The following ATP6V0A2 variants were observed in gnomAD, a reference collection of about 807,000 sequenced individuals.
The protein encoded by ATP6V0A2 is V-type proton ATPase 116 kDa subunit a 2.
In ATP6V0A2, 58 loss-of-function variants were observed where a neutral mutation model predicts 104.4. That is an observed-to-expected ratio of 0.56 (90% CI 0.45 to 0.69). The LOEUF (loss-of-function observed/expected upper bound fraction) is 0.69, where lower values mean the gene tolerates loss of function less well. ATP6V0A2 is among the 30% of genes least tolerant of loss of function. The pLI is 0.00. For missense variants in ATP6V0A2, 938 were observed against 1,062.9 expected (o/e 0.88, Z 1.63); for synonymous variants, 376 against 397.9 (o/e 0.95, Z 0.65).
rs139730230 is a variant in ATP6V0A2, at chr12:123,737,419, A to G, written c.1038+148A>G. On this transcript the variant is annotated intron_variant, in intron 9 of 19. Coordinates refer to ENST00000330342, the MANE Select transcript of ATP6V0A2 (RefSeq NM_012463.4). ...TTTTGTTTTTTTAAAATATTAATTAACAAAATTAAAATAGAGATGGGGTTT... is the reference window on the plus strand; with the variant it reads ...TTTTGTTTTTTTAAAATATTAATTAGCAAAATTAAAATAGAGATGGGGTTT... The G allele has an allele frequency of 5.7e-5, 48 of 837,458 alleles. No homozygotes were observed. In the Admixed American group the frequency reaches 9.7e-4, roughly 17 times the overall value. 51.9% of individuals were successfully genotyped at this position (837,458 alleles called of 1,614,324 possible). A position where few individuals can be genotyped will look rare whatever the true frequency, so the allele number is the denominator to read the frequency against.
intron 1 of ATP6V0A2, 27 bp downstream of exon 1, chr12:123,712,709 C>T: frequency 1.9e-6 from 3 of 1,573,808 alleles, no homozygotes; most frequent in Non-Finnish European, 2.6e-6. Context: ...AGACGCGGGC[C>T]GCACCTGCTC....
chr12:123,747,509 C>T, intron 13 of ATP6V0A2, 98 bp from the exon 14 acceptor site: 1 of 833,706 alleles, frequency 1.2e-6, no homozygotes, highest in East Asian at 2.4e-5. Context: ...CCTTCTTAAA[C>T]TTAGAGCCAC....
At chr12:123,743,746 T>G (rs1276099429) in intron 9 of ATP6V0A2, 39 bp from the exon 10 acceptor site, 10 of 1,611,360 alleles carry the variant, frequency 6.2e-6, no homozygotes, top group Non-Finnish European at 8.5e-6. Flanking sequence ...ATTTTCTTCT[T>G]GGATAGTAAT....
intron 3 of ATP6V0A2, 118 bp downstream of exon 3, chr12:123,722,566 T>G: frequency 1.4e-6 from 1 of 727,378 alleles, no homozygotes; most frequent in South Asian, 1.5e-5. Flanking sequence ...AAGATGGTGA[T>G]CTCTCTAGGC....
intron 4 of ATP6V0A2, among the ~76,000 whole-genome samples, chr12:123,725,274 G>A (rs1459162053): frequency 6.6e-6 from 1 of 151,912 alleles, no homozygotes; most frequent in African/African-American, 2.4e-5. Flanking sequence ...TTTTTCAGTT[G>A]GATTATATGA....
chr12:123,755,130 G>A (rs182977029), intron 18 of ATP6V0A2, among the ~76,000 whole-genome samples: 8 of 152,260 alleles, frequency 5.3e-5, no homozygotes, highest in South Asian at 2.1e-4. Context: ...GCCTACGTGC[G>A]GCAGGTGTCG....
In ATP6V0A2 at chr12:123,726,785, T is replaced by C. The variant is rs559572383; in HGVS notation, c.521+500T>C. On this transcript the variant is annotated intron_variant, in intron 5 of 19. Coordinates refer to ENST00000330342, the MANE Select transcript of ATP6V0A2 (RefSeq NM_012463.4). ...CCTGATCTGAAGGAATTCAGTGATA[T>C]TTAGTTTGAGGATGTTTTCCTCCAG... 7.9e-5 allele frequency among the ~76,000 whole-genome samples: 12 copies of C among 152,356 alleles called. No individual in the cohort carries two copies. In the South Asian group the frequency reaches 1.7e-3, roughly 21 times the overall value.
At chr12:123,740,627 A>T (rs1420744392) in intron 9 of ATP6V0A2, among the ~76,000 whole-genome samples, 1 of 151,996 alleles carries the variant, frequency 6.6e-6, no homozygotes, top group African/African-American at 2.4e-5. Flanking sequence ...TATTTGCTCT[A>T]CTGTCTTGCT....
At position 123,718,382 on chromosome 12, in the gene ATP6V0A2, C is replaced by T. The variant is rs186485460; in HGVS notation, c.118-241C>T. ...TGGGATTACAGGCGTGAGCTACCGC[C>T]CCGGCCTAATTTTTGTATTTTTAGC... On this transcript the variant is annotated intron_variant, in intron 1 of 19. Coordinates refer to ENST00000330342, the MANE Select transcript of ATP6V0A2 (RefSeq NM_012463.4). 6.5e-3 allele frequency among the ~76,000 whole-genome samples: 983 copies of T among 152,008 alleles called. 8 individuals carry two copies. The highest frequency in any genetic ancestry group is 1.0e-2 in the South Asian group (48 of 4,814).
intron 1 of ATP6V0A2, among the ~76,000 whole-genome samples, chr12:123,718,218 G>A (rs1483998215): frequency 1.3e-5 from 2 of 151,920 alleles, no homozygotes; most frequent in South Asian, 2.1e-4. Context: ...AGCCTCCCGA[G>A]TAGCTGGGAT....
chr12:123,734,036 T>G (rs1385022422), intron 7 of ATP6V0A2, 28 bp downstream of exon 7: 8 of 1,553,634 alleles, frequency 5.1e-6, no homozygotes, highest in Non-Finnish European at 7.1e-6. Context: ...TTCATTTCAT[T>G]TATGTCTTTA....
At chr12:123,734,942 A>G (rs1397388922) in intron 7 of ATP6V0A2, among the ~76,000 whole-genome samples, 10 of 152,224 alleles carry the variant, frequency 6.6e-5, no homozygotes, top group African/African-American at 2.2e-4. Flanking sequence ...TAGAATAGGT[A>G]TTTAATTTTT....
chr12:123,744,563 TA>T lies in ATP6V0A2; in HGVS notation c.1327-32del. The T allele has an allele frequency of 6.2e-7, 1 of 1,611,968 alleles. No homozygotes were observed. Among genetic ancestry groups the T allele is most frequent in the Non-Finnish European group, 8.5e-7 (1 of 1,179,894 alleles). ...CAGCTGTCACATGGACACCCTCCAG[TA>T]ACCATATTCTGCCCCCGCCTTGCCC... On this transcript the variant is annotated intron_variant, in intron 11 of 19. Transcript: ENST00000330342. The surrounding 1 kb of genome is among the most constrained non-coding windows in gnomAD (Gnocchi z 5.4).
chr12:123,740,947 T>A (rs1367061432), intron 9 of ATP6V0A2, among the ~76,000 whole-genome samples: 1 of 152,186 alleles, frequency 6.6e-6, no homozygotes. Flanking sequence ...TTTCCTGTCC[T>A]GTATTTTTTT....
intron 6 of ATP6V0A2, among the ~76,000 whole-genome samples, chr12:123,730,049 T>TTTTTTTC (rs1956486425): frequency 1.9e-5 from 1 of 53,034 alleles, no homozygotes; most frequent in African/African-American, 7.5e-5. Flanking sequence ...TAGGTCTTTT[T>TTTTTTTC]TTTTTTTTTT....
At chr12:123,720,422 C>T (rs6488899) in intron 2 of ATP6V0A2, among the ~76,000 whole-genome samples, 95,891 of 151,820 alleles carry the variant, frequency 0.63, 30,574 homozygotes, top group East Asian at 0.94. Flanking sequence ...CAGGGCTGGG[C>T]ACGATGGCTC....
Position 123,727,840 on chromosome 12 carries a change from G to A in ATP6V0A2, c.579G>A (p.Trp193Ter). 1 of 1,614,160 alleles carries A rather than the reference G, an allele frequency of 6.2e-7. No individual in the cohort carries two copies. The highest frequency in any genetic ancestry group is 8.5e-7 in the Non-Finnish European group (1 of 1,180,024). Residue 193 changes from tryptophan (W) to a stop codon, truncating the protein, a stop_gained, in exon 6 of 20, where the codon TGG (tryptophan) becomes TGA (stop). Transcript: ENST00000330342. LOFTEE classifies it high-confidence loss of function. The part of the protein sequence containing the change: ...GKVEAFEKML[W>*]RVCKGYTIVS... Reference sequence around the variant, plus strand: ...TGGAAGCATTTGAAAAAATGTTGTGGAGAGTCTGCAAAGGGTACACCATCG... The same window carrying A: ...TGGAAGCATTTGAAAAAATGTTGTGAAGAGTCTGCAAAGGGTACACCATCG...
rs1030690051 is a variant in ATP6V0A2 at position 123,759,506 on chromosome 12, T to G, written c.*1474T>G. On this transcript the variant is annotated 3_prime_UTR_variant, in exon 20 of 20. Coordinates refer to ENST00000330342, the MANE Select transcript of ATP6V0A2 (RefSeq NM_012463.4). ...GTCCTATTGAACATTTTGACCTATA[T>G]TCTTGCAAATTATGTTAATTTTTCA... The G allele has an allele frequency of 3.9e-5, 6 of 152,262 alleles. No homozygotes were observed. Among genetic ancestry groups the G allele is most frequent in the African/African-American group, 1.4e-4 (6 of 41,472 alleles). The allele number at this position is 152,262 out of a possible 1,614,324, so 9.4% of individuals were successfully genotyped here. A position where few individuals can be genotyped will look rare whatever the true frequency, so the allele number is the denominator to read the frequency against.
chr12:123,746,215 G>A (rs547154152), intron 13 of ATP6V0A2, among the ~76,000 whole-genome samples: 1 of 152,058 alleles, frequency 6.6e-6, no homozygotes, highest in South Asian at 2.1e-4. Context: ...AGGCATAGGG[G>A]AAAATTGGGG....
Sources: gnomAD v4.1 joint callset for allele counts (sites outside exome capture counted in the v4.1 genomes callset) on GRCh38, gnomAD v4.1.1 for gene constraint, Gnocchi (gnomAD v3.1) non-coding constraint, MANE v1.5 for transcripts, NCBI Gene and HGNC (gene_info 2026-07-23, HGNC 2026-07-21) for gene names.